CPPED1: variants seen among roughly 807,000 people sequenced by gnomAD.
The protein encoded by CPPED1 is calcineurin like phosphoesterase domain containing 1, also known as serine/threonine-protein phosphatase CPPED1.
Under a neutral mutation model 28.0 loss-of-function variants are expected in CPPED1, and 28 were observed. That is an observed-to-expected ratio of 1.00 (90% CI 0.74 to 1.37). The LOEUF is 1.37. CPPED1 is among the 40% of genes most tolerant of loss of function. The probability of loss-of-function intolerance (pLI) is 0.00; values close to 1 mark genes in which losing one functional copy is unlikely to be tolerated. For missense variants in CPPED1, 504 were observed against 416.5 expected (o/e 1.21, Z -1.83); for synonymous variants, 198 against 180.2 (o/e 1.10, Z -0.79).
chr16:12,803,663 C>T (rs2080674671), intron 1 of CPPED1, 44 bp downstream of exon 1: 4 of 1,421,738 alleles, frequency 2.8e-6, no homozygotes, highest in Middle Eastern at 3.7e-4. Flanking sequence ...GCGGAAGGTT[C>T]CGCAGCCCCA....
At chr16:12,736,219 A>C (rs1482392457) in intron 2 of CPPED1, among the ~76,000 whole-genome samples, 2 of 151,892 alleles carry the variant, frequency 1.3e-5, no homozygotes, top group African/African-American at 4.8e-5. Flanking sequence ...CTCCATCAGC[A>C]GATGAAGAAA....
intron 2 of CPPED1, among the ~76,000 whole-genome samples, chr16:12,706,926 G>A (rs577193519): frequency 6.6e-6 from 1 of 152,320 alleles, no homozygotes; most frequent in Admixed American, 6.5e-5. Flanking sequence ...TTAGGGAGAA[G>A]CAGGTTCTGC....
intron 2 of CPPED1, among the ~76,000 whole-genome samples, chr16:12,732,567 G>A (rs1246897321): frequency 6.6e-6 from 1 of 151,662 alleles, no homozygotes; most frequent in Admixed American, 6.6e-5. Flanking sequence ...GAACAAAAGG[G>A]CATGAGTTTA....
chr16:12,788,471 G>A (rs1380604448), intron 1 of CPPED1, among the ~76,000 whole-genome samples: 2 of 152,144 alleles, frequency 1.3e-5, no homozygotes, highest in Admixed American at 6.5e-5. Context: ...ACAGAAGCCC[G>A]CCTTTTCCTA....
chr16:12,704,319 A>T (rs1213916898), intron 3 of CPPED1, among the ~76,000 whole-genome samples: 2 of 152,140 alleles, frequency 1.3e-5, no homozygotes, highest in Admixed American at 6.5e-5. Context: ...GTGAGCAGCT[A>T]TGGCACACTG....
intron 2 of CPPED1, among the ~76,000 whole-genome samples, chr16:12,771,664 G>A (rs576351816): frequency 6.6e-6 from 1 of 152,236 alleles, no homozygotes; most frequent in Non-Finnish European, 1.5e-5. Context: ...ATGTTCATGG[G>A]TTTGTGTCTG....
rs371241955 is a variant in CPPED1, at chr16:12,803,723, C to T, written c.54G>A (p.Leu18=). The T allele has an allele frequency of 6.3e-7, 1 of 1,584,116 alleles. No individual in the cohort carries two copies. Residue 18 remains leucine, a synonymous_variant, in exon 1 of 4, where the codon CTG becomes CTA. Transcript: ENST00000381774. ...GVFHRARGRT[L]AAFPAEKESE... ...GGGCAGTACCTGCGGGAAACGCGGCCAGGGTCCTGCCCCTGGCTCTGTGGA... is the reference window on the plus strand; with the variant it reads ...GGGCAGTACCTGCGGGAAACGCGGCTAGGGTCCTGCCCCTGGCTCTGTGGA...
chr16:12,702,752 C>A (rs181034357), intron 3 of CPPED1, among the ~76,000 whole-genome samples: 43 of 152,162 alleles, frequency 2.8e-4, no homozygotes, highest in African/African-American at 1.0e-3. Context: ...AATCCCAGCA[C>A]TTTGGGAGGC....
chr16:12,714,827 G>C (rs1348783534), intron 2 of CPPED1, among the ~76,000 whole-genome samples: 2 of 152,016 alleles, frequency 1.3e-5, no homozygotes, highest in Non-Finnish European at 2.9e-5. Flanking sequence ...TTTCTGTTTT[G>C]TCACCTGTGC....
Position 12,664,685 on chromosome 16 carries a change from C to T in CPPED1, c.*201G>A, listed in dbSNP as rs575569665. The T allele has an allele frequency of 7.1e-7, 1 of 1,415,462 alleles. No homozygotes were observed. Among genetic ancestry groups the T allele is most frequent in the Non-Finnish European group, 9.1e-7 (1 of 1,095,602 alleles). The allele number at this position is 1,415,462 out of a possible 1,614,324, so 87.7% of individuals were successfully genotyped here. A position where few individuals can be genotyped will look rare whatever the true frequency, so the allele number is the denominator to read the frequency against. On this transcript the variant is annotated 3_prime_UTR_variant, in exon 4 of 4. Coordinates refer to ENST00000381774, the MANE Select transcript of CPPED1 (RefSeq NM_018340.3). The surrounding 1 kb of genome is among the most constrained non-coding windows in gnomAD (Gnocchi z 4.2). ...AAAAACTGATTTCCAGGATCATTCG[C>T]TCCATTTTAAAGGAAATGCAGTTCT...
intron 2 of CPPED1, among the ~76,000 whole-genome samples, chr16:12,717,345 G>A (rs924152513): frequency 2.6e-5 from 4 of 152,142 alleles, no homozygotes; most frequent in African/African-American, 9.7e-5. Flanking sequence ...CTCACTGCAA[G>A]CTGCGCCTCC....
At chr16:12,691,785 G>A (rs1172580695) in intron 3 of CPPED1, among the ~76,000 whole-genome samples, 1 of 131,898 alleles carries the variant, frequency 7.6e-6, no homozygotes, top group African/African-American at 3.1e-5. Flanking sequence ...ACACAGGAAG[G>A]GGAACATCAC....
intron 2 of CPPED1, among the ~76,000 whole-genome samples, chr16:12,707,263 G>A (rs2080056385): frequency 6.6e-6 from 1 of 152,092 alleles, no homozygotes; most frequent in Admixed American, 6.5e-5. Flanking sequence ...TCTTCTTTCT[G>A]TTCACACTGA....
chr16:12,704,801 C>T lies in CPPED1; in HGVS notation c.538G>A (p.Ala180Thr). ...NPSKCPSLKQ[A>T]QDQWLDEQLS... ...TGCTCGTCCAGCCACTGGTCCTGAG[C>T]CTGCTTCAGGCTGGGGCATTTGGAG... The change falls in exon 3 of 4, where the codon GCT (alanine) becomes ACT (threonine). Residue 180 changes from alanine to threonine, a missense_variant. Transcript: ENST00000381774. 2 of 1,614,204 alleles carry T rather than the reference C, an allele frequency of 1.2e-6. No individual in the cohort carries two copies. The highest frequency in any genetic ancestry group is 1.7e-5 in the Admixed American group (1 of 60,018).
At chr16:12,689,251 G>A (rs980593883) in intron 3 of CPPED1, among the ~76,000 whole-genome samples, 1 of 125,970 alleles carries the variant, frequency 7.9e-6, no homozygotes, top group Non-Finnish European at 1.6e-5. Context: ...TAAAGACACA[G>A]GGTCTCACTC....
intron 3 of CPPED1, among the ~76,000 whole-genome samples, chr16:12,699,642 G>A (rs1045913898): frequency 3.3e-5 from 5 of 152,142 alleles, no homozygotes; most frequent in South Asian, 4.1e-4. Context: ...GGGGAGAGAT[G>A]TGCTCTTTAA....
At chr16:12,762,855 C>T (rs1270449192) in intron 2 of CPPED1, among the ~76,000 whole-genome samples, 2 of 152,080 alleles carry the variant, frequency 1.3e-5, no homozygotes, top group Admixed American at 1.3e-4. Context: ...GCAATCCTCC[C>T]ACCTCAGCCT....
chr16:12,802,314 G>A (rs1298435519), intron 1 of CPPED1, among the ~76,000 whole-genome samples: 3 of 152,128 alleles, frequency 2.0e-5, no homozygotes, highest in Non-Finnish European at 4.4e-5. Flanking sequence ...AAATACAGTC[G>A]TCCCAGGCCG....
chr16:12,749,744 T>C (rs1460261316), intron 2 of CPPED1, among the ~76,000 whole-genome samples: 1 of 152,118 alleles, frequency 6.6e-6, no homozygotes, highest in Non-Finnish European at 1.5e-5. Flanking sequence ...TCCGCCACCA[T>C]ACCTGGCTAA....
Sources: gnomAD v4.1 joint callset for allele counts (sites outside exome capture counted in the v4.1 genomes callset) on GRCh38, gnomAD v4.1.1 for gene constraint, Gnocchi (gnomAD v3.1) non-coding constraint, MANE v1.5 for transcripts, NCBI Gene and HGNC (gene_info 2026-07-23, HGNC 2026-07-21) for gene names.